The following KCNIP1 variants were observed in gnomAD, a reference collection of about 807,000 sequenced individuals.
The protein encoded by KCNIP1 is potassium voltage-gated channel interacting protein 1.
A neutral mutation model predicts 33.0 loss-of-function variants in KCNIP1; 18 were observed. The ratio of observed to expected loss-of-function variants is 0.55; its 90% confidence interval spans 0.38 to 0.81. The LOEUF is 0.81. Among genes scored for constraint, KCNIP1 ranks in the 30% least tolerant of loss-of-function variants. The probability of loss-of-function intolerance (pLI) is 0.00; values close to 1 mark genes in which losing one functional copy is unlikely to be tolerated. For synonymous variants in KCNIP1, 93 were observed against 98.3 expected, an observed-to-expected ratio of 0.95 and a Z score of 0.32; for missense variants, 238 against 271.6, an observed-to-expected ratio of 0.88 and a Z score of 0.87.
At chr5:170,407,952 C>A (rs1456399546) in intron 1 of KCNIP1, among the ~76,000 whole-genome samples, 1 of 151,934 alleles carries the variant, frequency 6.6e-6, no homozygotes, top group Non-Finnish European at 1.5e-5. Context: ...TGTTGAAGCA[C>A]AACTTACTCT....
chr5:170,427,005 AG>A (rs1008774356), intron 1 of KCNIP1, among the ~76,000 whole-genome samples: 1 of 152,198 alleles, frequency 6.6e-6, no homozygotes, highest in African/African-American at 2.4e-5. Flanking sequence ...GCCTCCTTTC[AG>A]GGGTGGGGAG....
At chr5:170,538,225 C>T (rs1201002071) in intron 1 of KCNIP1, among the ~76,000 whole-genome samples, 1 of 152,170 alleles carries the variant, frequency 6.6e-6, no homozygotes, top group Non-Finnish European at 1.5e-5. Context: ...ACTTCCAAGG[C>T]ATGTTCTCAA....
chr5:170,536,198 GC>G (rs1755978663), intron 1 of KCNIP1, among the ~76,000 whole-genome samples: 1 of 152,202 alleles, frequency 6.6e-6, no homozygotes, highest in Admixed American at 6.5e-5. Context: ...TTAGAGCAGA[GC>G]CCTGATTGAA....
intron 1 of KCNIP1, among the ~76,000 whole-genome samples, chr5:170,665,329 T>C (rs1018507149): frequency 1.3e-5 from 2 of 151,096 alleles, no homozygotes; most frequent in Admixed American, 1.3e-4. Context: ...TACAGAAATC[T>C]GGATTTTTTT....
rs1763904108 is a variant in KCNIP1 at position 170,373,537 on chromosome 5, T to C, written c.88+19573T>C. On this transcript the variant is annotated intron_variant, in intron 1 of 7. Transcript: ENST00000377360. Reference sequence around the variant, plus strand: ...ACTAAGAATGGTAAAAATATTTAATTTGAATTTACTTATTTTAAAATAATA... The same window carrying C: ...ACTAAGAATGGTAAAAATATTTAATCTGAATTTACTTATTTTAAAATAATA... 1.3e-5 allele frequency among the ~76,000 whole-genome samples: 2 copies of C among 152,258 alleles called. 1 individual carries two copies. The highest frequency in any genetic ancestry group is 4.1e-4 in the South Asian group (2 of 4,836).
intron 1 of KCNIP1, among the ~76,000 whole-genome samples, chr5:170,454,724 A>T (rs1436137883): frequency 1.3e-5 from 2 of 152,256 alleles, no homozygotes; most frequent in East Asian, 3.8e-4. Flanking sequence ...ATATAATTAG[A>T]ACTCTTTAAG....
At chr5:170,408,776 C>A (rs955287712) in intron 1 of KCNIP1, among the ~76,000 whole-genome samples, 1 of 152,102 alleles carries the variant, frequency 6.6e-6, no homozygotes, top group Admixed American at 6.5e-5. Context: ...GTCAAAAAAA[C>A]CTTAGCTGAA....
At chr5:170,694,461 C>A (rs1333339745) in intron 1 of KCNIP1, among the ~76,000 whole-genome samples, 1 of 152,100 alleles carries the variant, frequency 6.6e-6, no homozygotes, top group Non-Finnish European at 1.5e-5. Flanking sequence ...ATCACAGAGA[C>A]TGAAATGAGG....
intron 1 of KCNIP1, among the ~76,000 whole-genome samples, chr5:170,663,126 G>T (rs1336882769): frequency 1.3e-5 from 2 of 152,178 alleles, no homozygotes; most frequent in Non-Finnish European, 2.9e-5. Context: ...CTCAGGTGTT[G>T]GTTCTGATCC....
chr5:170,522,032 T>G (rs1030343779), intron 1 of KCNIP1, among the ~76,000 whole-genome samples: 2 of 152,078 alleles, frequency 1.3e-5, no homozygotes, highest in African/African-American at 4.8e-5. Context: ...GCACATGATA[T>G]AGTATGGAGA....
At chr5:170,563,492 C>T (rs9313512) in intron 1 of KCNIP1, among the ~76,000 whole-genome samples, 84,337 of 152,060 alleles carry the variant, frequency 0.55, 23,609 homozygotes, top group East Asian at 0.65. Flanking sequence ...GGGGGATCTG[C>T]ACTGGGTGTT....
In KCNIP1 at chr5:170,627,532, C is replaced by G. The variant is rs953368387; in HGVS notation, c.62-91226C>G. On this transcript the variant is annotated intron_variant, in intron 1 of 7. Coordinates refer to ENST00000328939, the MANE Select transcript of KCNIP1 (RefSeq NM_014592.4). ...GACAGGGCCAGTCCCAAGAAAACAA[C>G]AAGGCTCCAGGGCCACCGGCCACTG... 2.0e-5 allele frequency among the ~76,000 whole-genome samples: 3 copies of G among 152,238 alleles called. 1 individual carries two copies.
At chr5:170,625,037 T>C (rs905821) in intron 1 of KCNIP1, among the ~76,000 whole-genome samples, 72,201 of 151,750 alleles carry the variant, frequency 0.48, 17,764 homozygotes, top group East Asian at 0.68. Flanking sequence ...ATGGATGCCC[T>C]CGTGAGCTGA....
chr5:170,398,832 G>T (rs560760983), intron 1 of KCNIP1, among the ~76,000 whole-genome samples: 1 of 152,232 alleles, frequency 6.6e-6, no homozygotes, highest in Non-Finnish European at 1.5e-5. Context: ...AACTTTCTTT[G>T]CTGAGCCATA....
chr5:170,487,545 AG>A (rs1056133421), intron 1 of KCNIP1, among the ~76,000 whole-genome samples: 8 of 148,076 alleles, frequency 5.4e-5, no homozygotes, highest in African/African-American at 2.0e-4. Context: ...TTTTTAAGAC[AG>A]GGTCTGGCTG....
chr5:170,628,535 C>A (rs778446392), intron 1 of KCNIP1, among the ~76,000 whole-genome samples: 7 of 152,128 alleles, frequency 4.6e-5, no homozygotes, highest in Non-Finnish European at 1.0e-4. Flanking sequence ...GCCCTACAAG[C>A]CCCAGTGAGG....
chr5:170,640,443 A>C (rs1342323882), intron 1 of KCNIP1, among the ~76,000 whole-genome samples: 2 of 152,222 alleles, frequency 1.3e-5, no homozygotes. Context: ...TTGCAGGTGA[A>C]TATCAGCCTT....
chr5:170,552,701 G>T (rs1399402726), intron 1 of KCNIP1, among the ~76,000 whole-genome samples: 1 of 152,208 alleles, frequency 6.6e-6, no homozygotes, highest in East Asian at 1.9e-4. Flanking sequence ...GGCCTTTGGG[G>T]CCAGCGAAGG....
At chr5:170,556,601 G>T (rs534558991) in intron 1 of KCNIP1, among the ~76,000 whole-genome samples, 1 of 152,086 alleles carries the variant, frequency 6.6e-6, no homozygotes, top group Non-Finnish European at 1.5e-5. Flanking sequence ...GGGAGAGGAA[G>T]AAAGAAGGAG....
Sources: allele counts gnomAD v4.1 joint callset (sites outside exome capture counted in the v4.1 genomes callset), GRCh38; gene constraint gnomAD v4.1.1; transcripts MANE v1.5; gene names NCBI Gene and HGNC (gene_info 2026-07-23, HGNC 2026-07-21).